MYRF: variants seen among roughly 807,000 people sequenced by gnomAD.
MYRF encodes myelin gene regulatory factor.
A neutral mutation model predicts 126.3 loss-of-function variants in MYRF; 16 were observed. That is an observed-to-expected ratio of 0.13 (90% CI 0.09 to 0.19). MYRF has a LOEUF of 0.19. Among genes scored for constraint, MYRF ranks in the 10% least tolerant of loss-of-function variants. MYRF has a pLI of 1.00. For synonymous variants in MYRF, 608 were observed against 635.3 expected (o/e 0.96, Z 0.65); for missense variants, 1,104 against 1,547.0 (o/e 0.71, Z 4.80).
chr11:61,775,352 C>T (rs1401167313), intron 8 of MYRF, among the ~76,000 whole-genome samples: 1 of 152,214 alleles, frequency 6.6e-6, no homozygotes, highest in Non-Finnish European at 1.5e-5. Context: ...CTGTGGCTCC[C>T]TTTGCCTTGG....
Position 61,770,541 on chromosome 11 carries a change from C to A in MYRF, c.740+16C>A. The A allele has an allele frequency of 6.5e-7, 1 of 1,540,922 alleles. No homozygotes were observed. Among genetic ancestry groups the A allele is most frequent in the Non-Finnish European group, 8.8e-7 (1 of 1,140,350 alleles). On this transcript the variant is annotated intron_variant, in intron 5 of 26. Coordinates refer to ENST00000278836, the MANE Select transcript of MYRF (RefSeq NM_001127392.3). ...ACGGAGCTGAGTAAGACGTGGGTGG[C>A]TGGCTCCATGGGGTGGGAAGGTGGG...
Position 61,752,725 on chromosome 11 carries a change from G to C in MYRF, c.-20G>C. The C allele has an allele frequency of 6.9e-7, 1 of 1,442,992 alleles. No homozygotes were observed. Among genetic ancestry groups the C allele is most frequent in the Non-Finnish European group, 9.1e-7 (1 of 1,102,836 alleles). The allele number at this position is 1,442,992 out of a possible 1,614,324, so 89.4% of individuals were successfully genotyped here. A position where few individuals can be genotyped will look rare whatever the true frequency, so the allele number is the denominator to read the frequency against. On this transcript the variant is annotated 5_prime_UTR_variant, in exon 1 of 27. Transcript: ENST00000278836. ...GCTGTAGCGGGGCCGCGGCTGGAGT[G>C]TGCGCCGGGCAGGCGGGACATGGAG...
intron 1 of MYRF, among the ~76,000 whole-genome samples, chr11:61,758,633 T>C (rs1172736930): frequency 6.6e-6 from 1 of 152,216 alleles, no homozygotes; most frequent in African/African-American, 2.4e-5. Context: ...CATATACACC[T>C]GTGAAGTGTG....
intron 1 of MYRF, among the ~76,000 whole-genome samples, chr11:61,763,788 C>A (rs2065969362): frequency 6.6e-6 from 1 of 152,118 alleles, no homozygotes; most frequent in Admixed American, 6.5e-5. Context: ...TCGCTGGAAC[C>A]TGGGAGGTGG....
intron 1 of MYRF, among the ~76,000 whole-genome samples, chr11:61,762,408 C>A (rs1379167200): frequency 6.6e-6 from 1 of 152,236 alleles, no homozygotes; most frequent in African/African-American, 2.4e-5. Flanking sequence ...CCTCGGGCAG[C>A]CTCTGGCGGG....
At position 61,764,222 on chromosome 11, in the gene MYRF, G is replaced by A. The variant is rs568134040; in HGVS notation, c.47-1403G>A. On this transcript the variant is annotated intron_variant, in intron 1 of 26. Coordinates refer to ENST00000278836, the MANE Select transcript of MYRF (RefSeq NM_001127392.3). Reference sequence around the variant, plus strand: ...TCATTAATCACCTAAGCGGGGCTCAGCATTCTTGAAATGCCGGCTGAGGCC... The same window carrying A: ...TCATTAATCACCTAAGCGGGGCTCAACATTCTTGAAATGCCGGCTGAGGCC... Among the ~76,000 whole-genome samples, 5 of 152,352 alleles carry A rather than the reference G, an allele frequency of 3.3e-5. No homozygotes were observed. In the South Asian group the frequency reaches 1.0e-3, roughly 32 times the overall value.
Position 61,783,560 on chromosome 11 carries a change from T to C in MYRF, c.3079T>C (p.Ser1027Pro). Residue 1027 changes from serine to proline, a missense_variant, in exon 23 of 27, where the codon TCC (serine) becomes CCC (proline). Physicochemically the swap from Ser to Pro is moderately conservative, Grantham distance 74. This residue lies in a region of MYRF where 94 missense variants were observed against 164.6 expected (regional missense o/e 0.57). Coordinates refer to ENST00000278836, the MANE Select transcript of MYRF (RefSeq NM_001127392.3). This position sits in a 1 kb window ranked among gnomAD's most constrained non-coding sequence, Gnocchi z 4.6. ...TSIQVLENSM[S>P]ITSQYCAPGD... ...CATCCAGGTGCTGGAGAATTCGATGTCCATCACCTCCCAGTACTGTGCTCC... is the reference window on the plus strand; with the variant it reads ...CATCCAGGTGCTGGAGAATTCGATGCCCATCACCTCCCAGTACTGTGCTCC... 6.2e-7 allele frequency: 1 copy of C among 1,613,796 alleles called. No homozygotes were observed. Among genetic ancestry groups the C allele is most frequent in the Non-Finnish European group, 8.5e-7 (1 of 1,179,982 alleles).
At chr11:61,762,648 C>G (rs1321827516) in intron 1 of MYRF, among the ~76,000 whole-genome samples, 1 of 152,204 alleles carries the variant, frequency 6.6e-6, no homozygotes, top group Non-Finnish European at 1.5e-5. Flanking sequence ...CTTGTCTTGT[C>G]CACCTGGAAA....
At chr11:61,767,613 C>A (rs995924152) in intron 3 of MYRF, 2 of 353,858 alleles carry the variant, frequency 5.7e-6, no homozygotes, top group Admixed American at 7.6e-5. Context: ...ATTGCTTGAG[C>A]CCAGGAGTTC....
At chr11:61,769,410 G>A (rs573766864) in intron 4 of MYRF, 89 bp downstream of exon 4, 3 of 993,966 alleles carry the variant, frequency 3.0e-6, no homozygotes, top group East Asian at 2.6e-5. Context: ...GGAGGGAGGG[G>A]GCCAGCGGCT....
At chr11:61,769,386 A>T in intron 4 of MYRF, 65 bp downstream of exon 4, 1 of 1,283,588 alleles carries the variant, frequency 7.8e-7, no homozygotes, top group Non-Finnish European at 1.1e-6. Flanking sequence ...CGGCCTTATC[A>T]GGGAGGTAGG....
At chr11:61,754,327 C>T (rs901732822) in intron 1 of MYRF, 1 of 152,476 alleles carries the variant, frequency 6.6e-6, no homozygotes, top group African/African-American at 2.4e-5. Context: ...ATGGTTGACT[C>T]TGCATCAGGT....
chr11:61,755,651 G>T (rs577873423), intron 1 of MYRF: 2 of 723,932 alleles, frequency 2.8e-6, no homozygotes, highest in Admixed American at 4.0e-5. Flanking sequence ...GACAGGAGGG[G>T]GTGGCAGAGA....
intron 5 of MYRF, 21 bp from the exon 6 acceptor site, chr11:61,771,479 C>G (rs549532247): frequency 1.9e-6 from 3 of 1,601,354 alleles, no homozygotes; most frequent in Non-Finnish European, 2.6e-6. Context: ...GCCCCCACGG[C>G]GCACACTTCT....
chr11:61,780,582 G>T (rs948423676), intron 18 of MYRF, 130 bp from the exon 19 acceptor site: 28 of 920,090 alleles, frequency 3.0e-5, no homozygotes, highest in Non-Finnish European at 4.3e-5. Context: ...TAGGAGGAAG[G>T]AGGGCCAGGG....
In MYRF at chr11:61,781,768, G is replaced by A. The variant is rs1180662381; in HGVS notation, c.2960G>A (p.Gly987Glu). ...SLGFHGRARRGALQSSVGPAE... is the reference protein window; with the variant it reads ...SLGFHGRARREALQSSVGPAE... The stretch of plus-strand genomic sequence containing the variant: ...GGTTTCCATGGCCGGGCCCGCCGAG[G>A]GGCCCTCCAGTCCAGCGTGGGCCCT... The change falls in exon 22 of 27, where the codon GGG (glycine) becomes GAG (glutamate). Residue 987 changes from glycine (G) to glutamate (E), a missense_variant. By Grantham distance (98) the Gly-to-Glu change is moderately conservative (BLOSUM62 -2). Coordinates refer to ENST00000278836, the MANE Select transcript of MYRF (RefSeq NM_001127392.3). 3 of 1,610,558 alleles carry A rather than the reference G, an allele frequency of 1.9e-6. No homozygotes were observed. Among genetic ancestry groups the A allele is most frequent in the Non-Finnish European group, 1.7e-6 (2 of 1,178,860 alleles).
rs749610878 is a variant in MYRF at position 61,752,815 on chromosome 11, G to A, written c.46+25G>A. 2.0e-5 allele frequency: 30 copies of A among 1,484,844 alleles called. No homozygotes were observed. The African/African-American group carries it at 3.2e-4, about 16-fold the overall frequency. The allele number at this position is 1,484,844 out of a possible 1,614,324, so 92.0% of individuals were successfully genotyped here. A position where few individuals can be genotyped will look rare whatever the true frequency, so the allele number is the denominator to read the frequency against. ...GGTGAGAGACCGCGGGCTGGCGGCG[G>A]CGACCCTCTGGCGCTGGGAACCCCC... On this transcript the variant is annotated intron_variant, in intron 1 of 26. Coordinates refer to ENST00000278836, the MANE Select transcript of MYRF (RefSeq NM_001127392.3).
Position 61,774,166 on chromosome 11 carries a change from A to T in MYRF, c.1311+4A>T, listed in dbSNP as rs1428220303. On this transcript the variant is annotated splice_donor_region_variant and intron_variant, in intron 8 of 26. Coordinates refer to ENST00000278836, the MANE Select transcript of MYRF (RefSeq NM_001127392.3). The stretch of plus-strand genomic sequence containing the variant: ...TCTGAAGCTGCACGGAGTGAAGGCA[A>T]GTTTGGGGCTCAGCAAGGAAGGGAG... 1.3e-6 allele frequency: 2 copies of T among 1,593,172 alleles called. No homozygotes were observed. Among genetic ancestry groups the T allele is most frequent in the African/African-American group, 2.7e-5 (2 of 74,306 alleles).
intron 1 of MYRF, chr11:61,754,263 T>C (rs139967463): frequency 6.6e-6 from 1 of 152,516 alleles, no homozygotes; most frequent in African/African-American, 2.4e-5. Context: ...CACTCCAGGA[T>C]TCTGGACACC....
Sources: gnomAD v4.1 joint callset for allele counts (sites outside exome capture counted in the v4.1 genomes callset) on GRCh38, gnomAD v4.1.1 for gene constraint, gnomAD v4.1.1 regional missense constraint, Gnocchi (gnomAD v3.1) non-coding constraint, MANE v1.5 for transcripts, NCBI Gene and HGNC (gene_info 2026-07-23, HGNC 2026-07-21) for gene names.